Variants in PER3 observed in about 807,000 individuals in gnomAD.
The protein encoded by PER3 is period circadian protein homolog 3.
In PER3, 107 loss-of-function variants were observed where a neutral mutation model predicts 127.2. That is an observed-to-expected ratio of 0.84 (90% CI 0.72 to 0.99). PER3 has a LOEUF of 0.99. Ranked by LOEUF, PER3 falls within the 50% of genes least tolerant of loss-of-function variation. PER3 has a pLI of 0.00. For missense variants in PER3, 1,560 were observed against 1,525.8 expected (o/e 1.02, Z -0.37); for synonymous variants, 618 against 585.8 (o/e 1.05, Z -0.79).
intron 5 of PER3, among the ~76,000 whole-genome samples, chr1:7,791,033 C>A (rs2087947): frequency 6.6e-6 from 1 of 152,096 alleles, no homozygotes; most frequent in Non-Finnish European, 1.5e-5. Context: ...TTTCTGGGCT[C>A]ACAGTGCAAG....
intron 13 of PER3, among the ~76,000 whole-genome samples, chr1:7,816,609 A>C (rs1158880711): frequency 6.6e-6 from 1 of 152,242 alleles, no homozygotes. Flanking sequence ...GACAAAAAAA[A>C]TGTAAACCAT....
At chr1:7,816,106 T>C (rs7550657) in intron 13 of PER3, among the ~76,000 whole-genome samples, 77,943 of 151,464 alleles carry the variant, frequency 0.51, 21,334 homozygotes, top group Middle Eastern at 0.69. Flanking sequence ...ACTGAGTGTT[T>C]ATATGGAAAA....
At position 7,842,676 on chromosome 1, in the gene PER3, G is replaced by T; in HGVS notation, c.3554G>T (p.Cys1185Phe). ...TVTQEIDIQA[C>F]VTCENEDSAD... ...CTGCTTTGTTCTTTTTTGGAGGCCT[G>T]TGTCACTTGTGAAAATGAAGATTCA... Residue 1185 changes from cysteine to phenylalanine, a missense_variant, in exon 22 of 22, where the codon TGT becomes TTT. Transcript: ENST00000377532. The T allele has an allele frequency of 6.2e-7, 1 of 1,613,260 alleles. No individual in the cohort carries two copies. Among genetic ancestry groups the T allele is most frequent in the Non-Finnish European group, 8.5e-7 (1 of 1,179,394 alleles).
intron 21 of PER3, among the ~76,000 whole-genome samples, chr1:7,840,717 C>T (rs1157381793): frequency 1.3e-5 from 2 of 152,056 alleles, no homozygotes. Context: ...ACCTCCTGGT[C>T]CCAAGTGATC....
At chr1:7,786,700 T>G in intron 3 of PER3, 21 bp from the exon 4 acceptor site, 1 of 1,258,734 alleles carries the variant, frequency 7.9e-7, no homozygotes, top group Non-Finnish European at 1.2e-6. Context: ...GACTACCTGT[T>G]TATCTCCCTG....
rs757458058 is a variant in PER3 at position 7,803,754 on chromosome 1, G to A, written c.1042G>A (p.Gly348Arg). 20 of 1,609,746 alleles carry A rather than the reference G, an allele frequency of 1.2e-5. 1 individual carries two copies. The highest frequency in any genetic ancestry group is 6.7e-5 in the East Asian group (3 of 44,882). ...HSPIRFCTQN[G>R]DYIILDSSWS... is the part of the protein sequence containing the mutation. Reference sequence around the variant, plus strand: ...TCCCATTCGATTTTGTACTCAAAACGGAGACTACATCATACTGGATTCCAG... The same window carrying A: ...TCCCATTCGATTTTGTACTCAAAACAGAGACTACATCATACTGGATTCCAG... Residue 348 changes from glycine (G) to arginine (R), a missense_variant, in exon 10 of 22, where the codon GGA (glycine) becomes AGA (arginine). Gly to Arg is a moderately radical substitution (Grantham distance 125). Coordinates refer to ENST00000377532, the MANE Select transcript of PER3 (RefSeq NM_001377275.1).
Position 7,844,037 on chromosome 1 carries a change from T to A in PER3, c.*1282T>A, listed in dbSNP as rs1215481779. 9.6e-7 allele frequency: 1 copy of A among 1,047,116 alleles called. No individual in the cohort carries two copies. Among genetic ancestry groups the A allele is most frequent in the Non-Finnish European group, 1.2e-6 (1 of 831,538 alleles). 64.9% of individuals were successfully genotyped at this position (1,047,116 alleles called of 1,614,324 possible). Reference sequence around the variant, plus strand: ...TAACTTGCAACAAACTAATTTATTTTTTTTTCCTTTTTTTGTTTTTGGTTT... The same window carrying A: ...TAACTTGCAACAAACTAATTTATTTATTTTTCCTTTTTTTGTTTTTGGTTT... On this transcript the variant is annotated 3_prime_UTR_variant, in exon 22 of 22. Coordinates refer to ENST00000377532, the MANE Select transcript of PER3 (RefSeq NM_001377275.1).
At chr1:7,789,674 C>G (rs1313523700) in intron 5 of PER3, among the ~76,000 whole-genome samples, 1 of 152,202 alleles carries the variant, frequency 6.6e-6, no homozygotes, top group Non-Finnish European at 1.5e-5. Context: ...TGTTGTGAAA[C>G]AGATCTCCAT....
intron 20 of PER3, among the ~76,000 whole-genome samples, chr1:7,836,399 G>T (rs765718711): frequency 1.3e-5 from 2 of 152,196 alleles, no homozygotes; most frequent in African/African-American, 4.8e-5. Context: ...GGTTGATCTT[G>T]AACTCCTGGC....
chr1:7,827,337 C>T lies in PER3; in HGVS notation c.2408C>T (p.Ala803Val). The T allele has an allele frequency of 6.2e-7, 1 of 1,613,986 alleles. No individual in the cohort carries two copies. The highest frequency in any genetic ancestry group is 1.1e-5 in the South Asian group (1 of 91,068). The change falls in exon 18 of 22, where the codon GCC (alanine) becomes GTC (valine). Residue 803 changes from alanine (A) to valine (V), a missense_variant. This residue lies in a region of PER3 where 1,332 missense variants were observed against 1,223.6 expected (regional missense o/e 1.09). Transcript: ENST00000377532. ...FPPAAMVPSQ[A>V]PYLVPAFPLP... ...CCTGCCGCCATGGTGCCCAGCCAGG[C>T]CCCTTACCTCGTCCCAGCTTTTCCC...
chr1:7,813,032 AATTTAT>A (rs1479077335), intron 13 of PER3, among the ~76,000 whole-genome samples: 1 of 152,252 alleles, frequency 6.6e-6, no homozygotes, highest in African/African-American at 2.4e-5. Context: ...TTAAGTTTAA[AATTTAT>A]ATTTATCTTT....
intron 21 of PER3, among the ~76,000 whole-genome samples, chr1:7,839,124 T>C (rs1295293520): frequency 6.6e-6 from 1 of 152,222 alleles, no homozygotes; most frequent in Non-Finnish European, 1.5e-5. Context: ...CTATTTTCAT[T>C]GCGATAACCA....
chr1:7,823,649 CAAAA>C (rs1049511155), intron 16 of PER3, among the ~76,000 whole-genome samples: 2 of 117,356 alleles, frequency 1.7e-5, no homozygotes, highest in East Asian at 4.7e-4. Flanking sequence ...AACTCCATCT[CAAAA>C]AAAAAAAAGC....
chr1:7,825,104 C>T (rs2151102741), intron 16 of PER3, among the ~76,000 whole-genome samples: 1 of 151,604 alleles, frequency 6.6e-6, no homozygotes, highest in South Asian at 2.1e-4. Flanking sequence ...TGGCCAGAAG[C>T]AAAGCCCCCT....
intron 19 of PER3, among the ~76,000 whole-genome samples, chr1:7,833,690 G>A (rs368719336): frequency 6.6e-6 from 1 of 152,078 alleles, no homozygotes; most frequent in Non-Finnish European, 1.5e-5. Context: ...TCATGTGACA[G>A]TCTCAGCCTT....
rs1297782973 is a variant in PER3, at chr1:7,827,808, CTGAG to C, written c.2881_2884del (p.Glu961IlefsTer45). On this transcript the variant is annotated frameshift_variant, in exon 18 of 22. Coordinates refer to ENST00000377532, the MANE Select transcript of PER3 (RefSeq NM_001377275.1). LOFTEE classifies it high-confidence loss of function. ...ATGAGAAGGAACACGTGCCCACAAA[CTGAG>C]TATGTAAGTGATGCTCATTTTCAAC... The C allele has an allele frequency of 2.5e-6, 4 of 1,607,786 alleles. No homozygotes were observed. The highest frequency in any genetic ancestry group is 3.4e-6 in the Non-Finnish European group (4 of 1,175,576).
chr1:7,794,036 C>T lies in PER3; in HGVS notation c.644+28C>T, dbSNP rs771136768. 4 of 1,577,022 alleles carry T rather than the reference C, an allele frequency of 2.5e-6. No individual in the cohort carries two copies. The East Asian group carries it at 6.7e-5, about 26-fold the overall frequency. The stretch of plus-strand genomic sequence containing the variant: ...AAGTATAGTGGCTCGTGGAAGCCAG[C>T]AACAGTGGATTATGTTCTGAGTTTA... On this transcript the variant is annotated intron_variant, in intron 6 of 21. Transcript: ENST00000377532.
intron 12 of PER3, 155 bp downstream of exon 12, chr1:7,810,176 T>A: frequency 1.2e-6 from 1 of 802,712 alleles, no homozygotes; most frequent in Non-Finnish European, 2.0e-6. Flanking sequence ...AAAAAGTCTG[T>A]AAAAAGAAAA....
chr1:7,794,103 G>T (rs574554049), intron 6 of PER3, 95 bp downstream of exon 6: 4 of 983,260 alleles, frequency 4.1e-6, no homozygotes, highest in Admixed American at 1.7e-5. Flanking sequence ...GCTCACTTCT[G>T]TTGCGAGATA....
Sources: gnomAD v4.1 joint callset for allele counts (sites outside exome capture counted in the v4.1 genomes callset) on GRCh38, gnomAD v4.1.1 for gene constraint, gnomAD v4.1.1 regional missense constraint, MANE v1.5 for transcripts, NCBI Gene and HGNC (gene_info 2026-07-23, HGNC 2026-07-21) for gene names.